MYO3A: variants seen among roughly 807,000 people sequenced by gnomAD.
MYO3A encodes myosin IIIA.
MYO3A carries 180 observed loss-of-function variants against 192.7 expected under a neutral mutation model. The observed-to-expected ratio is 0.93, with a 90% CI of 0.83 to 1.06. The LOEUF (loss-of-function observed/expected upper bound fraction) is 1.06, where lower values mean the gene tolerates loss of function less well. Ranked by LOEUF, MYO3A falls within the 50% of genes least tolerant of loss-of-function variation. The probability of loss-of-function intolerance (pLI) is 0.00; values close to 1 mark genes in which losing one functional copy is unlikely to be tolerated. For missense variants in MYO3A, 1,896 were observed against 1,905.0 expected, an observed-to-expected ratio of 1.00 and a Z score of 0.09; for synonymous variants, 628 against 645.3, an observed-to-expected ratio of 0.97 and a Z score of 0.41.
At chr10:26,203,204 C>G (rs1843756667) in intron 34 of MYO3A, 97 bp downstream of exon 34, 1 of 1,300,524 alleles carries the variant, frequency 7.7e-7, no homozygotes. Flanking sequence ...AATGACAAAG[C>G]ACTCTTACTG....
chr10:26,074,104 C>T (rs897342695), intron 14 of MYO3A, among the ~76,000 whole-genome samples: 3 of 151,986 alleles, frequency 2.0e-5, no homozygotes, highest in Admixed American at 1.3e-4. Context: ...AAACTGTTTA[C>T]AATTTATGCC....
intron 15 of MYO3A, among the ~76,000 whole-genome samples, chr10:26,094,085 C>T (rs1015542953): frequency 1.3e-5 from 2 of 152,208 alleles, no homozygotes; most frequent in African/African-American, 2.4e-5. Flanking sequence ...TCAAACTCTA[C>T]CCTTTCATAT....
intron 10 of MYO3A, among the ~76,000 whole-genome samples, chr10:26,047,708 G>A (rs924579162): frequency 1.3e-5 from 2 of 152,032 alleles, no homozygotes; most frequent in African/African-American, 4.8e-5. Flanking sequence ...CCGGGAGGTG[G>A]AGCTTGCAGT....
At chr10:26,179,273 AT>A (rs879526288) in intron 31 of MYO3A, among the ~76,000 whole-genome samples, 7 of 147,948 alleles carry the variant, frequency 4.7e-5, no homozygotes, top group African/African-American at 1.0e-4. Context: ...TAATTTTTGT[AT>A]TTTTTTTTAT....
intron 10 of MYO3A, among the ~76,000 whole-genome samples, chr10:26,053,215 CAT>C (rs1844110668): frequency 6.6e-6 from 1 of 152,072 alleles, no homozygotes; most frequent in Non-Finnish European, 1.5e-5. Flanking sequence ...TGTATATACA[CAT>C]ATACATTGAA....
At position 26,173,765 on chromosome 10, in the gene MYO3A, C is replaced by G. The variant is rs150864067; in HGVS notation, c.3501C>G (p.Ser1167=). 20 of 1,614,098 alleles carry G rather than the reference C, an allele frequency of 1.2e-5. No homozygotes were observed. The African/African-American group carries it at 2.3e-4, about 18-fold the overall frequency. The stretch of plus-strand genomic sequence containing the variant: ...GAAGTGTATCTGTAGTGAAGACTTC[C>G]ACTTTCAAACCTGAAGAGGAAACCA... ...NKGSVSVVKT[S]TFKPEEETTN... is the part of the protein sequence containing the mutation. Residue 1167 remains serine, a synonymous_variant, in exon 30 of 35, where the codon TCC becomes TCG. Coordinates refer to ENST00000642920, the MANE Select transcript of MYO3A (RefSeq NM_017433.5).
chr10:25,997,563 T>C (rs12252321), intron 6 of MYO3A, among the ~76,000 whole-genome samples: 14,573 of 152,256 alleles, frequency 0.096, 1,243 homozygotes, highest in African/African-American at 0.22. Flanking sequence ...AATCTCATGG[T>C]TCCTACTAGT....
chr10:26,102,680 T>A (rs1221249298), intron 17 of MYO3A, among the ~76,000 whole-genome samples: 2 of 152,224 alleles, frequency 1.3e-5, no homozygotes, highest in Admixed American at 1.3e-4. Context: ...AGACCCTGTT[T>A]GTCTGGGTAT....
chr10:25,966,576 A>T (rs1461929923), intron 4 of MYO3A, among the ~76,000 whole-genome samples: 2 of 152,072 alleles, frequency 1.3e-5, no homozygotes, highest in Non-Finnish European at 2.9e-5. Flanking sequence ...CTGAAAACAA[A>T]CAAAAAAAAA....
intron 14 of MYO3A, among the ~76,000 whole-genome samples, chr10:26,082,778 C>T (rs1040810722): frequency 3.4e-5 from 5 of 147,792 alleles, no homozygotes; most frequent in African/African-American, 1.2e-4. Context: ...CTCTCTCTCT[C>T]AGAATACCTT....
chr10:26,021,688 T>C (rs1307344574), intron 8 of MYO3A, 40 bp downstream of exon 8: 1 of 1,611,234 alleles, frequency 6.2e-7, no homozygotes, highest in South Asian at 1.1e-5. Flanking sequence ...TGCAGCCCGA[T>C]TTACTTCCTC....
At chr10:25,936,274 T>C (rs1836057470) in intron 2 of MYO3A, among the ~76,000 whole-genome samples, 1 of 152,110 alleles carries the variant, frequency 6.6e-6, no homozygotes, top group Non-Finnish European at 1.5e-5. Context: ...TAACTTTCTC[T>C]GTCAAATCCA....
intron 6 of MYO3A, among the ~76,000 whole-genome samples, chr10:26,010,219 T>G (rs189066148): frequency 6.6e-6 from 1 of 152,304 alleles, no homozygotes; most frequent in Admixed American, 6.5e-5. Flanking sequence ...GAGGATGGAC[T>G]TCCAAGAGAA....
intron 15 of MYO3A, among the ~76,000 whole-genome samples, chr10:26,093,832 A>G (rs1252204960): frequency 6.6e-6 from 1 of 152,154 alleles, no homozygotes; most frequent in Non-Finnish European, 1.5e-5. Context: ...ATATCCTGCT[A>G]CCATCTCAAA....
intron 17 of MYO3A, among the ~76,000 whole-genome samples, chr10:26,113,617 TA>T (rs1838329172): frequency 6.6e-6 from 1 of 152,162 alleles, no homozygotes; most frequent in South Asian, 2.1e-4. Context: ...TAAAACAAGT[TA>T]CAATTCCAGA....
intron 15 of MYO3A, among the ~76,000 whole-genome samples, chr10:26,090,868 G>A (rs1836658576): frequency 6.6e-6 from 1 of 152,240 alleles, no homozygotes; most frequent in South Asian, 2.1e-4. Context: ...AGGAGCCATG[G>A]CTGCCTTCCT....
intron 17 of MYO3A, among the ~76,000 whole-genome samples, chr10:26,118,120 G>C (rs765015614): frequency 6.6e-6 from 1 of 151,948 alleles, no homozygotes; most frequent in East Asian, 1.9e-4. Flanking sequence ...TCATGTGATT[G>C]TTGGCTGTAT....
chr10:26,200,343 A>G (rs1029925161), intron 32 of MYO3A, among the ~76,000 whole-genome samples: 6 of 152,186 alleles, frequency 3.9e-5, no homozygotes, highest in Non-Finnish European at 8.8e-5. Context: ...ATTAACTGCC[A>G]TTTTTGTTAT....
At chr10:25,972,914 C>T (rs1838747230) in intron 4 of MYO3A, among the ~76,000 whole-genome samples, 2 of 152,176 alleles carry the variant, frequency 1.3e-5, no homozygotes, top group African/African-American at 4.8e-5. Context: ...TTGCAGACTC[C>T]TTACAGGAGT....
Sources: allele counts gnomAD v4.1 joint callset (sites outside exome capture counted in the v4.1 genomes callset), GRCh38; gene constraint gnomAD v4.1.1; transcripts MANE v1.5; gene names NCBI Gene and HGNC (gene_info 2026-07-23, HGNC 2026-07-21).